Variants in ABI3BP observed in about 807,000 individuals in gnomAD.
ABI3BP encodes ABI family member 3 binding protein, also known as target of Nesh-SH3.
A neutral mutation model predicts 268.6 loss-of-function variants in ABI3BP; 216 were observed. That is an observed-to-expected ratio of 0.80 (90% CI 0.72 to 0.90). ABI3BP has a LOEUF of 0.90. Among genes scored for constraint, ABI3BP ranks in the 40% least tolerant of loss-of-function variants. ABI3BP has a pLI of 0.00. For missense variants in ABI3BP, 2,090 were observed against 2,182.4 expected, an observed-to-expected ratio of 0.96 and a Z score of 0.84; for synonymous variants, 730 against 730.0, an observed-to-expected ratio of 1.00 and a Z score of 0.00.
chr3:100,901,722 C>A (rs1309373617), intron 3 of ABI3BP, among the ~76,000 whole-genome samples: 3 of 151,330 alleles, frequency 2.0e-5, no homozygotes, highest in Non-Finnish European at 4.4e-5. Flanking sequence ...GCTGAGATTG[C>A]ACCACTGCGC....
rs1010864256 is a variant in ABI3BP at position 100,862,194 on chromosome 3, A to T, written c.1285+117T>A. On this transcript the variant is annotated intron_variant, in intron 14 of 67. Coordinates refer to ENST00000471714, the MANE Select transcript of ABI3BP (RefSeq NM_001375547.2). ...TCATCTCAGTATCAACAAATGTATG[A>T]TAGATTTTCCATTTATTACAAAGCA... The T allele has an allele frequency of 1.5e-5, 11 of 746,264 alleles. No homozygotes were observed. The South Asian group carries it at 1.7e-4, about 11-fold the overall frequency. 46.2% of individuals were successfully genotyped at this position (746,264 alleles called of 1,614,324 possible).
chr3:100,919,844 G>C (rs1446992977), intron 2 of ABI3BP, among the ~76,000 whole-genome samples: 2 of 152,098 alleles, frequency 1.3e-5, no homozygotes, highest in Non-Finnish European at 2.9e-5. Flanking sequence ...ATTTTTGAGG[G>C]AGTCACCATA....
At chr3:100,915,171 C>T (rs952104588) in intron 2 of ABI3BP, among the ~76,000 whole-genome samples, 10 of 152,160 alleles carry the variant, frequency 6.6e-5, no homozygotes, top group African/African-American at 2.2e-4. Flanking sequence ...TACTATCTCC[C>T]TCCAGCAGCA....
chr3:100,903,584 G>T (rs967084425), intron 2 of ABI3BP, among the ~76,000 whole-genome samples: 1 of 152,344 alleles, frequency 6.6e-6, no homozygotes, highest in Admixed American at 6.5e-5. Flanking sequence ...GGATGCTGTA[G>T]TCAGCCAGAA....
At chr3:100,789,631 G>T (rs1385748599) in intron 55 of ABI3BP, 115 bp from the exon 56 acceptor site, 25 of 987,508 alleles carry the variant, frequency 2.5e-5, no homozygotes, top group Admixed American at 5.6e-5. Context: ...TATAAAGAAG[G>T]TTCAGAAAAT....
At chr3:100,922,073 GTA>G (rs2060393705) in intron 2 of ABI3BP, among the ~76,000 whole-genome samples, 1 of 152,222 alleles carries the variant, frequency 6.6e-6, no homozygotes, top group South Asian at 2.1e-4. Context: ...ACAAAAGAAA[GTA>G]AGAGCAGGAG....
rs1307052007 is a variant in ABI3BP, at chr3:100,750,639, A to G, written c.5246-29T>C. 6 of 1,534,794 alleles carry G rather than the reference A, an allele frequency of 3.9e-6. No individual in the cohort carries two copies. The African/African-American group carries it at 4.1e-5, about 10-fold the overall frequency. On this transcript the variant is annotated intron_variant, in intron 67 of 67. Transcript: ENST00000471714. Reference sequence around the variant, plus strand: ...AGAGAGAAAATAGTTTCATTTTAATAGCTGCTGTATTATATTTTTGCCCTC... The same window carrying G: ...AGAGAGAAAATAGTTTCATTTTAATGGCTGCTGTATTATATTTTTGCCCTC...
At chr3:100,987,805 AAC>A (rs1238235853) in intron 1 of ABI3BP, among the ~76,000 whole-genome samples, 3 of 152,224 alleles carry the variant, frequency 2.0e-5, no homozygotes, top group African/African-American at 7.2e-5. Flanking sequence ...AATTTACATA[AAC>A]ACAGCATTAA....
intron 24 of ABI3BP, 120 bp from the exon 25 acceptor site, chr3:100,838,584 G>T: frequency 3.5e-6 from 3 of 854,394 alleles, no homozygotes; most frequent in African/African-American, 1.7e-5. Flanking sequence ...CATTTCTGGG[G>T]TGTGGGAAGG....
intron 63 of ABI3BP, among the ~76,000 whole-genome samples, chr3:100,763,613 G>T (rs1321919629): frequency 6.6e-6 from 1 of 152,132 alleles, no homozygotes; most frequent in Admixed American, 6.6e-5. Context: ...ATGAGGGTGG[G>T]ATAAAGAGGG....
At chr3:100,861,863 A>C (rs906002107) in intron 14 of ABI3BP, among the ~76,000 whole-genome samples, 1 of 152,228 alleles carries the variant, frequency 6.6e-6, no homozygotes, top group Non-Finnish European at 1.5e-5. Flanking sequence ...TGCTACACTT[A>C]CAAATTTTAG....
chr3:100,820,394 C>T (rs980424364), intron 39 of ABI3BP, 91 bp from the exon 40 acceptor site: 13 of 954,392 alleles, frequency 1.4e-5, no homozygotes, highest in South Asian at 2.1e-5. Context: ...TTAAAACTTA[C>T]TAGATTTTCT....
At chr3:100,829,364 A>G (rs1012629901) in intron 33 of ABI3BP, among the ~76,000 whole-genome samples, 2 of 152,132 alleles carry the variant, frequency 1.3e-5, no homozygotes, top group Admixed American at 6.5e-5. Flanking sequence ...CATATATTCA[A>G]CATTGAAAGG....
At chr3:100,827,328 G>C (rs1004245969) in intron 34 of ABI3BP, among the ~76,000 whole-genome samples, 2 of 152,036 alleles carry the variant, frequency 1.3e-5, no homozygotes, top group African/African-American at 4.8e-5. Context: ...CAACCATGAG[G>C]GGGTAACAAC....
At chr3:100,833,935 G>A (rs1398834803) in intron 29 of ABI3BP, among the ~76,000 whole-genome samples, 1 of 152,112 alleles carries the variant, frequency 6.6e-6, no homozygotes, top group East Asian at 1.9e-4. Flanking sequence ...CTGTTTATAT[G>A]ATTCCTACCC....
chr3:100,856,822 G>C (rs905675354), intron 14 of ABI3BP, among the ~76,000 whole-genome samples: 79 of 152,292 alleles, frequency 5.2e-4, no homozygotes, highest in Non-Finnish European at 2.1e-4. Context: ...ACACCCATCT[G>C]TGGGATGATA....
intron 4 of ABI3BP, among the ~76,000 whole-genome samples, chr3:100,894,172 C>T (rs182296752): frequency 5.9e-5 from 9 of 152,068 alleles, no homozygotes; most frequent in Non-Finnish European, 1.0e-4. Context: ...AATGTATCTT[C>T]GGGCCTTCAT....
intron 29 of ABI3BP, 100 bp from the exon 30 acceptor site, chr3:100,833,257 G>A (rs2098522369): frequency 6.2e-6 from 7 of 1,121,088 alleles, no homozygotes; most frequent in Non-Finnish European, 6.4e-6. Flanking sequence ...TACCATTATA[G>A]CGTTGGTTCT....
intron 1 of ABI3BP, among the ~76,000 whole-genome samples, chr3:100,978,866 A>C (rs1028919153): frequency 3.9e-5 from 6 of 152,216 alleles, no homozygotes; most frequent in Non-Finnish European, 8.8e-5. Flanking sequence ...ATAGTTGTTT[A>C]ACATGCAGAT....
Sources: allele counts gnomAD v4.1 joint callset (sites outside exome capture counted in the v4.1 genomes callset), GRCh38; gene constraint gnomAD v4.1.1; transcripts MANE v1.5; gene names NCBI Gene and HGNC (gene_info 2026-07-23, HGNC 2026-07-21).